Variants in MAF observed in about 807,000 individuals in gnomAD.
MAF encodes the protein MAF bZIP transcription factor.
In MAF, 10 loss-of-function variants were observed where a neutral mutation model predicts 22.0. That is an observed-to-expected ratio of 0.45 (90% CI 0.28 to 0.77). The LOEUF (loss-of-function observed/expected upper bound fraction) is 0.77. MAF is among the 30% of genes least tolerant of loss of function. The probability of loss-of-function intolerance (pLI) is 0.12; values close to 1 mark genes in which losing one functional copy is unlikely to be tolerated. For synonymous variants in MAF, 337 were observed against 255.8 expected (o/e 1.32, Z -3.03); for missense variants, 544 against 548.4 (o/e 0.99, Z 0.08).
the MAF span, among the ~76,000 whole-genome samples, chr16:79,246,869 A>G: frequency 6.6e-6 from 1 of 151,772 alleles, no homozygotes; most frequent in Non-Finnish European, 1.5e-5. Context: ...ATAATTTTCC[A>G]TCTACCTTTC....
At chr16:79,325,990 C>T in the MAF span, among the ~76,000 whole-genome samples, 1 of 152,174 alleles carries the variant, frequency 6.6e-6, no homozygotes, top group Admixed American at 6.5e-5. Context: ...AAAGGTTTAA[C>T]CTGCAAGATC....
At chr16:79,380,195 G>A in the MAF span, among the ~76,000 whole-genome samples, 2 of 152,100 alleles carry the variant, frequency 1.3e-5, no homozygotes, top group Non-Finnish European at 2.9e-5. Flanking sequence ...AATGCAATTT[G>A]GGTTTTTCCA....
the MAF span, among the ~76,000 whole-genome samples, chr16:79,271,655 G>A: frequency 6.6e-6 from 1 of 152,188 alleles, no homozygotes; most frequent in Non-Finnish European, 1.5e-5. Flanking sequence ...TGATATTGAT[G>A]AAGAACTATC....
At chr16:79,373,041 C>T in the MAF span, among the ~76,000 whole-genome samples, 3 of 152,108 alleles carry the variant, frequency 2.0e-5, no homozygotes, top group East Asian at 5.8e-4. Flanking sequence ...GTTGCCTCAC[C>T]TTTGCTATTT....
chr16:79,317,055 T>G, the MAF span, among the ~76,000 whole-genome samples: 1 of 152,126 alleles, frequency 6.6e-6, no homozygotes, highest in South Asian at 2.1e-4. Context: ...ACCTAGTCCT[T>G]CACTTCAGCC....
chr16:79,541,365 C>T, the MAF span, among the ~76,000 whole-genome samples: 1 of 152,110 alleles, frequency 6.6e-6, no homozygotes, highest in East Asian at 1.9e-4. Flanking sequence ...AATATTTGTA[C>T]CCGTAACCCA....
At chr16:79,453,073 T>A in the MAF span, among the ~76,000 whole-genome samples, 2 of 152,204 alleles carry the variant, frequency 1.3e-5, no homozygotes, top group Non-Finnish European at 2.9e-5. Context: ...AAGTCCCTTC[T>A]CTAGGTAATG....
At chr16:79,518,114 T>C in the MAF span, among the ~76,000 whole-genome samples, 2 of 152,194 alleles carry the variant, frequency 1.3e-5, no homozygotes, top group African/African-American at 4.8e-5. Context: ...CTCTCAACCG[T>C]GCTATGACAC....
intron 1 of MAF, among the ~76,000 whole-genome samples, chr16:79,587,703 T>G (rs1323796649): frequency 6.6e-6 from 1 of 152,166 alleles, no homozygotes; most frequent in East Asian, 1.9e-4. Flanking sequence ...CCGTTATTTT[T>G]GGAGGAAAAA....
chr16:79,308,541 CA>C, the MAF span, among the ~76,000 whole-genome samples: 221 of 152,280 alleles, frequency 1.5e-3, no homozygotes, highest in African/African-American at 5.1e-3. Flanking sequence ...GAAATGCTAG[CA>C]AAAGCCTGGG....
At chr16:79,317,606 A>G in the MAF span, among the ~76,000 whole-genome samples, 6 of 151,314 alleles carry the variant, frequency 4.0e-5, no homozygotes, top group Non-Finnish European at 4.4e-5. Flanking sequence ...ATTCTTACTT[A>G]TTCCAGGCAC....
the MAF span, among the ~76,000 whole-genome samples, chr16:79,416,668 G>A: frequency 6.6e-6 from 1 of 152,166 alleles, no homozygotes; most frequent in Non-Finnish European, 1.5e-5. Context: ...TGGGAGCGCG[G>A]TGCTCCGAAT....
intron 1 of MAF, among the ~76,000 whole-genome samples, chr16:79,588,512 G>A (rs139542877): frequency 0.017 from 2,598 of 152,032 alleles, 33 homozygotes; most frequent in Admixed American, 0.04. Flanking sequence ...TGGGCTTACT[G>A]CAACCTCCGC....
the MAF span, among the ~76,000 whole-genome samples, chr16:79,485,230 C>G: frequency 1.0e-3 from 155 of 152,268 alleles, no homozygotes; most frequent in Non-Finnish European, 1.8e-3. Flanking sequence ...TTTGACCTCT[C>G]TGTGCCTCAG....
chr16:79,509,135 A>C, the MAF span, among the ~76,000 whole-genome samples: 1 of 152,220 alleles, frequency 6.6e-6, no homozygotes, highest in Admixed American at 6.5e-5. Context: ...CGTAGGTTGC[A>C]CTGCTGAAGT....
chr16:79,579,259 A>C, the MAF span, among the ~76,000 whole-genome samples: 2 of 152,254 alleles, frequency 1.3e-5, no homozygotes, highest in Non-Finnish European at 2.9e-5. Flanking sequence ...AAGTTCATTA[A>C]AGAAAATGTG....
the MAF span, among the ~76,000 whole-genome samples, chr16:79,226,733 C>T: frequency 6.6e-6 from 1 of 151,982 alleles, no homozygotes; most frequent in African/African-American, 2.4e-5. Context: ...TTCTTAGGCT[C>T]ATCTATATTC....
At chr16:79,319,925 T>C in the MAF span, among the ~76,000 whole-genome samples, 2 of 152,228 alleles carry the variant, frequency 1.3e-5, no homozygotes, top group South Asian at 4.1e-4. Flanking sequence ...TCTGCAGAGG[T>C]GAAAGTTAAG....
the MAF span, among the ~76,000 whole-genome samples, chr16:79,240,592 C>T: frequency 4.3e-4 from 63 of 146,130 alleles, no homozygotes; most frequent in African/African-American, 1.0e-3. Flanking sequence ...AGAGCACCTG[C>T]GGGAAGGGGT....
Sources: allele counts gnomAD v4.1 joint callset (sites outside exome capture counted in the v4.1 genomes callset), GRCh38; gene constraint gnomAD v4.1.1; transcripts MANE v1.5; gene names NCBI Gene and HGNC (gene_info 2026-07-23, HGNC 2026-07-21).